Variants in AFG2A observed in about 807,000 individuals in gnomAD.
AFG2A encodes ATPase family gene 2 protein homolog A.
At chr4:123,314,054 A>G in the AFG2A span, 31 of 1,570,528 alleles carry the variant, frequency 2.0e-5, no homozygotes, top group Middle Eastern at 1.7e-4. Context: ...AGTGGGCTGC[A>G]TACACTCTGA....
chr4:123,217,450 T>C, the AFG2A span, among the ~76,000 whole-genome samples: 1 of 152,178 alleles, frequency 6.6e-6, no homozygotes, highest in Non-Finnish European at 1.5e-5. Flanking sequence ...TGTCATTAAC[T>C]TAATGAGTTT....
chr4:123,162,516 G>A, the AFG2A span, among the ~76,000 whole-genome samples: 2 of 152,048 alleles, frequency 1.3e-5, no homozygotes. Context: ...AAAGAAAGGA[G>A]AATCAATGGG....
the AFG2A span, chr4:122,938,246 T>G: frequency 1.3e-6 from 2 of 1,596,474 alleles, no homozygotes; most frequent in Non-Finnish European, 1.7e-6. Context: ...ATGGCATTGG[T>G]TCAGTAAGTA....
chr4:123,261,816 A>G, the AFG2A span, among the ~76,000 whole-genome samples: 5 of 151,936 alleles, frequency 3.3e-5, no homozygotes, highest in Non-Finnish European at 2.9e-5. Context: ...GTCTCATTCT[A>G]TTGCCCAGGC....
At chr4:122,934,665 A>G in the AFG2A span, 1 of 1,609,576 alleles carries the variant, frequency 6.2e-7, no homozygotes, top group South Asian at 1.1e-5. Context: ...TAGGAGGATT[A>G]AGTAGCCAGC....
chr4:122,985,114 AT>A, the AFG2A span, among the ~76,000 whole-genome samples: 1,757 of 143,282 alleles, frequency 0.012, 37 homozygotes, highest in African/African-American at 0.042. Context: ...TTGTTGGAAA[AT>A]TTTTTTTTTC....
chr4:123,008,769 G>T, the AFG2A span, among the ~76,000 whole-genome samples: 1 of 152,136 alleles, frequency 6.6e-6, no homozygotes, highest in East Asian at 1.9e-4. Flanking sequence ...AGGGTAGATT[G>T]ATGAAACTTA....
At chr4:123,053,693 C>T in the AFG2A span, among the ~76,000 whole-genome samples, 1 of 152,112 alleles carries the variant, frequency 6.6e-6, no homozygotes, top group African/African-American at 2.4e-5. Flanking sequence ...GGGATAGCTC[C>T]CAGACTGCAG....
chr4:123,102,613 G>T, the AFG2A span, among the ~76,000 whole-genome samples: 3 of 152,058 alleles, frequency 2.0e-5, no homozygotes, highest in African/African-American at 7.2e-5. Context: ...AAAGCTTCTT[G>T]TCTTCTATTG....
chr4:123,197,659 T>G, the AFG2A span, among the ~76,000 whole-genome samples: 1 of 151,980 alleles, frequency 6.6e-6, no homozygotes, highest in East Asian at 1.9e-4. Flanking sequence ...TCCCAGCTAC[T>G]TGGGAGGCTG....
chr4:122,988,394 A>G, the AFG2A span, among the ~76,000 whole-genome samples: 2 of 103,506 alleles, frequency 1.9e-5, no homozygotes, highest in African/African-American at 6.8e-5. Flanking sequence ...ATTTTCTGTC[A>G]TTCTTTCTTT....
chr4:123,221,990 C>G, the AFG2A span, among the ~76,000 whole-genome samples: 1 of 151,914 alleles, frequency 6.6e-6, no homozygotes, highest in African/African-American at 2.4e-5. Flanking sequence ...CAACACTGAT[C>G]TAAAGTGCTA....
At chr4:123,196,167 ATTTTT>A in the AFG2A span, among the ~76,000 whole-genome samples, 2 of 79,668 alleles carry the variant, frequency 2.5e-5, no homozygotes, top group African/African-American at 4.6e-5. Flanking sequence ...TGCCCAGCTA[ATTTTT>A]TTTTTTTTTT....
At chr4:122,981,195 C>T in the AFG2A span, among the ~76,000 whole-genome samples, 1 of 152,078 alleles carries the variant, frequency 6.6e-6, no homozygotes, top group Non-Finnish European at 1.5e-5. Context: ...AGAAGACTGG[C>T]CAGTTTCATG....
chr4:122,937,479 A>G, the AFG2A span, among the ~76,000 whole-genome samples: 1 of 152,156 alleles, frequency 6.6e-6, no homozygotes, highest in East Asian at 1.9e-4. Flanking sequence ...GTTTAATATC[A>G]TAACTACTGC....
chr4:123,311,901 T>A, the AFG2A span, among the ~76,000 whole-genome samples: 1,935 of 152,324 alleles, frequency 0.013, 47 homozygotes, highest in African/African-American at 0.044. Context: ...GTCTGACAAT[T>A]GGTTCCCTTC....
At chr4:122,969,064 T>C in the AFG2A span, among the ~76,000 whole-genome samples, 1 of 151,850 alleles carries the variant, frequency 6.6e-6, no homozygotes, top group Non-Finnish European at 1.5e-5. Context: ...CTCTGTGGCT[T>C]ACATTTTTAT....
At chr4:122,948,737 T>A in the AFG2A span, among the ~76,000 whole-genome samples, 1 of 152,206 alleles carries the variant, frequency 6.6e-6, no homozygotes, top group South Asian at 2.1e-4. Context: ...GCATGCAGCT[T>A]GTATAGCATT....
the AFG2A span, among the ~76,000 whole-genome samples, chr4:123,144,288 AT>A: frequency 6.6e-6 from 1 of 151,980 alleles, no homozygotes. Flanking sequence ...TGCTTTTAAT[AT>A]TTTTTTCTAA....
Sources: gnomAD v4.1 joint callset for allele counts (sites outside exome capture counted in the v4.1 genomes callset) on GRCh38, gnomAD v4.1.1 for gene constraint, MANE v1.5 for transcripts, NCBI Gene and HGNC (gene_info 2026-07-23, HGNC 2026-07-21) for gene names.